The following VAT1L variants were observed in gnomAD, a reference collection of about 807,000 sequenced individuals.
VAT1L encodes the protein vesicle amine transport 1 like, also known as putative NADPH-dependent quinone oxidoreductase VAT1L.
In VAT1L, 34 loss-of-function variants were observed where a neutral mutation model predicts 44.1. That is an observed-to-expected ratio of 0.77 (90% CI 0.59 to 1.03). The LOEUF (loss-of-function observed/expected upper bound fraction) is 1.03. VAT1L is among the 50% of genes least tolerant of loss of function. The probability of loss-of-function intolerance (pLI) is 0.00; values close to 1 mark genes in which losing one functional copy is unlikely to be tolerated. For missense variants in VAT1L, 615 were observed against 538.8 expected (o/e 1.14, Z -1.40); for synonymous variants, 253 against 202.2 (o/e 1.25, Z -2.13).
At chr16:77,802,409 G>A (rs923839100) in intron 1 of VAT1L, among the ~76,000 whole-genome samples, 2 of 152,086 alleles carry the variant, frequency 1.3e-5, no homozygotes, top group African/African-American at 4.8e-5. Context: ...AAGGTCAGGA[G>A]TTCAAGACCA....
At chr16:77,788,988 C>T (rs1275419624) in intron 1 of VAT1L, 73 bp downstream of exon 1, 3 of 1,414,230 alleles carry the variant, frequency 2.1e-6, no homozygotes, top group Non-Finnish European at 9.2e-7. Context: ...GGGAAAGCTG[C>T]GGCTGGGATG....
chr16:77,795,822 T>C (rs867736092), intron 1 of VAT1L, among the ~76,000 whole-genome samples: 3,510 of 138,456 alleles, frequency 0.025, 137 homozygotes, highest in African/African-American at 0.098. Context: ...TCTTTTTTTT[T>C]TTTTTTTTTT....
intron 7 of VAT1L, among the ~76,000 whole-genome samples, chr16:77,895,439 T>C (rs2017313665): frequency 6.6e-6 from 1 of 151,980 alleles, no homozygotes; most frequent in African/African-American, 2.4e-5. Flanking sequence ...CCCTGGATCA[T>C]GCAGATGGAT....
intron 7 of VAT1L, among the ~76,000 whole-genome samples, chr16:77,955,877 T>C (rs1429059): frequency 0.49 from 74,199 of 151,954 alleles, 19,559 homozygotes; most frequent in East Asian, 0.66. Flanking sequence ...TCGCTCTCCA[T>C]TGCTTCCAAC....
At chr16:77,874,796 G>C (rs2017069823) in intron 4 of VAT1L, among the ~76,000 whole-genome samples, 1 of 144,218 alleles carries the variant, frequency 6.9e-6, no homozygotes, top group Admixed American at 7.1e-5. Context: ...CCAGTGCCTA[G>C]TGCAGTGCCC....
chr16:77,799,915 T>C, intron 1 of VAT1L: 1 of 152,196 alleles, frequency 6.6e-6, no homozygotes, highest in East Asian at 1.9e-4. Context: ...TGGTTCACAG[T>C]AGGCACTCAA....
chr16:77,802,618 AC>A (rs2016081205), intron 1 of VAT1L, among the ~76,000 whole-genome samples: 1 of 10,606 alleles, frequency 9.4e-5, no homozygotes, highest in Non-Finnish European at 1.6e-4. Flanking sequence ...CATCTCAAAC[AC>A]ACACACACAC....
intron 7 of VAT1L, among the ~76,000 whole-genome samples, chr16:77,926,515 CAG>C (rs2142498435): frequency 6.6e-6 from 1 of 152,080 alleles, no homozygotes; most frequent in South Asian, 2.1e-4. Context: ...ACCTGGGAGG[CAG>C]AGGTTGCCAT....
intron 7 of VAT1L, among the ~76,000 whole-genome samples, chr16:77,909,982 G>T (rs1017315192): frequency 3.3e-5 from 5 of 152,188 alleles, no homozygotes; most frequent in African/African-American, 1.2e-4. Context: ...TTTCAAGAAT[G>T]TGACAACAGC....
intron 7 of VAT1L, among the ~76,000 whole-genome samples, chr16:77,890,756 C>T (rs2017256044): frequency 6.6e-6 from 1 of 151,272 alleles, no homozygotes; most frequent in African/African-American, 2.4e-5. Context: ...TACCCCATCT[C>T]TACTAAAACT....
chr16:77,802,184 T>C (rs1306375843), intron 1 of VAT1L, among the ~76,000 whole-genome samples: 2 of 152,222 alleles, frequency 1.3e-5, no homozygotes, highest in African/African-American at 4.8e-5. Context: ...CTTTTGCATT[T>C]TTAGCAGTTT....
chr16:77,929,259 G>C (rs754292665), intron 7 of VAT1L, among the ~76,000 whole-genome samples: 3 of 152,104 alleles, frequency 2.0e-5, no homozygotes, highest in Non-Finnish European at 4.4e-5. Flanking sequence ...TCTAGACTTA[G>C]TACTGCCTGA....
intron 1 of VAT1L, among the ~76,000 whole-genome samples, chr16:77,806,109 T>G (rs2016153979): frequency 6.6e-6 from 1 of 151,944 alleles, no homozygotes. Flanking sequence ...GTGATCTGCC[T>G]GCCTTGGCCT....
At chr16:77,928,664 G>A (rs1406850437) in intron 7 of VAT1L, among the ~76,000 whole-genome samples, 1 of 152,046 alleles carries the variant, frequency 6.6e-6, no homozygotes, top group African/African-American at 2.4e-5. Context: ...CAAGCCCCTC[G>A]TAAATGACGT....
chr16:77,817,241 C>T (rs2016372368), intron 2 of VAT1L, among the ~76,000 whole-genome samples, 191 bp downstream of exon 2: 1 of 152,100 alleles, frequency 6.6e-6, no homozygotes, highest in Admixed American at 6.6e-5. Context: ...CTTGGTTGCT[C>T]CTGGCAGCAT....
At chr16:77,940,524 T>C (rs1025378349) in intron 7 of VAT1L, among the ~76,000 whole-genome samples, 3 of 151,958 alleles carry the variant, frequency 2.0e-5, no homozygotes, top group East Asian at 1.9e-4. Flanking sequence ...TTGTATTTTT[T>C]AGTAGAGATG....
chr16:77,841,780 C>G (rs1192118157), intron 3 of VAT1L, among the ~76,000 whole-genome samples: 1 of 152,126 alleles, frequency 6.6e-6, no homozygotes, highest in Non-Finnish European at 1.5e-5. Context: ...TGGCAAAATG[C>G]GAGTCTCAAC....
At chr16:77,864,844 A>G (rs2016955226) in intron 4 of VAT1L, among the ~76,000 whole-genome samples, 1 of 152,180 alleles carries the variant, frequency 6.6e-6, no homozygotes, top group African/African-American at 2.4e-5. Flanking sequence ...AGGATGTGAA[A>G]GGAAAGCTTA....
At position 77,825,858 on chromosome 16, in the gene VAT1L, T is replaced by A. The variant is rs796401021; in HGVS notation, c.579+397T>A. 2.6e-3 allele frequency among the ~76,000 whole-genome samples: 362 copies of A among 139,006 alleles called. 1 individual carries two copies. The highest frequency in any genetic ancestry group is 0.015 in the East Asian group (71 of 4,676). 91.2% of individuals were successfully genotyped at this position (139,006 alleles called of 152,430 possible). ...GGTGAAACCCCGTCTCTACTAAAAA[T>A]AAAAAAAAAAAAAAATTAGCCGGGC... On this transcript the variant is annotated intron_variant, in intron 3 of 8. Coordinates refer to ENST00000302536, the MANE Select transcript of VAT1L (RefSeq NM_020927.3).
Sources: gnomAD v4.1 joint callset for allele counts (sites outside exome capture counted in the v4.1 genomes callset) on GRCh38, gnomAD v4.1.1 for gene constraint, MANE v1.5 for transcripts, NCBI Gene and HGNC (gene_info 2026-07-23, HGNC 2026-07-21) for gene names.